RBPMS: variants seen among roughly 807,000 people sequenced by gnomAD.
RBPMS encodes the protein RNA binding protein, mRNA processing factor.
A neutral mutation model predicts 26.8 loss-of-function variants in RBPMS; 7 were observed. The ratio of observed to expected loss-of-function variants is 0.26; its 90% CI spans 0.15 to 0.49. The LOEUF (loss-of-function observed/expected upper bound fraction) is 0.49. RBPMS is among the 20% of genes least tolerant of loss of function. RBPMS has a pLI of 0.98. For missense variants in RBPMS, 186 were observed against 250.0 expected (o/e 0.74, Z 1.73); for synonymous variants, 96 against 93.3 (o/e 1.03, Z -0.17).
intron 6 of RBPMS, among the ~76,000 whole-genome samples, chr8:30,551,317 G>C (rs115874469): frequency 0.011 from 1,727 of 152,282 alleles, 39 homozygotes; most frequent in African/African-American, 0.038. Flanking sequence ...CTCCATGTTG[G>C]GCAGTTTTAG....
intron 1 of RBPMS, among the ~76,000 whole-genome samples, chr8:30,422,040 C>A (rs935067465): frequency 6.6e-6 from 1 of 151,962 alleles, no homozygotes; most frequent in South Asian, 2.1e-4. Flanking sequence ...AGAAAAAGTT[C>A]TTAAAAGCAG....
At chr8:30,386,140 T>C (rs926397824) in intron 1 of RBPMS, among the ~76,000 whole-genome samples, 5 of 150,248 alleles carry the variant, frequency 3.3e-5, no homozygotes, top group African/African-American at 1.2e-4. Flanking sequence ...CGTCTAAATA[T>C]GACCCGAAAA....
chr8:30,480,378 A>G (rs1818149450), intron 4 of RBPMS, among the ~76,000 whole-genome samples: 1 of 152,218 alleles, frequency 6.6e-6, no homozygotes, highest in Non-Finnish European at 1.5e-5. Flanking sequence ...GACCTGATAT[A>G]GGTGATGACT....
At chr8:30,472,014 A>T (rs1428052843) in intron 1 of RBPMS, among the ~76,000 whole-genome samples, 8 of 152,176 alleles carry the variant, frequency 5.3e-5, no homozygotes, top group Non-Finnish European at 1.0e-4. Flanking sequence ...GATGGGCATT[A>T]AAAAAAGCAT....
chr8:30,476,720 G>A (rs186990611), intron 2 of RBPMS, among the ~76,000 whole-genome samples: 81 of 152,262 alleles, frequency 5.3e-4, no homozygotes, highest in African/African-American at 1.9e-3. Flanking sequence ...GTGTGTAGTG[G>A]TCAATCACGT....
chr8:30,537,678 G>A (rs1019803251), intron 5 of RBPMS: 17 of 455,672 alleles, frequency 3.7e-5, no homozygotes, highest in South Asian at 1.9e-4. Context: ...TGTGAGAGTC[G>A]TTGGGCTGGA....
At chr8:30,555,300 C>T (rs1008288336) in intron 6 of RBPMS, among the ~76,000 whole-genome samples, 1 of 151,642 alleles carries the variant, frequency 6.6e-6, no homozygotes, top group Non-Finnish European at 1.5e-5. Context: ...GAATCCCAAA[C>T]AGTGTGGCCC....
intron 5 of RBPMS, among the ~76,000 whole-genome samples, chr8:30,532,473 T>C (rs1824329967): frequency 6.6e-6 from 1 of 152,264 alleles, no homozygotes; most frequent in Non-Finnish European, 1.5e-5. Context: ...ATTCAGTTTT[T>C]ATAATGAACT....
At chr8:30,496,922 C>T (rs1326699462) in intron 4 of RBPMS, among the ~76,000 whole-genome samples, 3 of 152,140 alleles carry the variant, frequency 2.0e-5, no homozygotes, top group South Asian at 2.1e-4. Context: ...GGGAAACTTT[C>T]GACTATACCT....
chr8:30,534,206 C>T (rs897230521), intron 5 of RBPMS, among the ~76,000 whole-genome samples: 2 of 152,050 alleles, frequency 1.3e-5, no homozygotes, highest in Admixed American at 1.3e-4. Context: ...GATGCCTTGT[C>T]AGGAATGTAG....
intron 4 of RBPMS, among the ~76,000 whole-genome samples, chr8:30,500,086 A>T (rs1424182403): frequency 6.6e-6 from 1 of 152,208 alleles, no homozygotes; most frequent in Non-Finnish European, 1.5e-5. Context: ...GAAATCCCTT[A>T]TTCCACCTCT....
chr8:30,458,953 A>T (rs1815567032), intron 1 of RBPMS, among the ~76,000 whole-genome samples: 1 of 148,228 alleles, frequency 6.7e-6, no homozygotes, highest in Non-Finnish European at 1.5e-5. Flanking sequence ...CACCACACCC[A>T]GCATGTTGGC....
intron 1 of RBPMS, among the ~76,000 whole-genome samples, chr8:30,444,001 A>T (rs1196013071): frequency 2.6e-5 from 4 of 151,976 alleles, no homozygotes; most frequent in Non-Finnish European, 5.9e-5. Context: ...GGTTCAAGCG[A>T]TTCTCTTGCC....
At position 30,556,703 on chromosome 8, in the gene RBPMS, G is replaced by A. The variant is rs61569119; in HGVS notation, c.529-2184G>A. On this transcript the variant is annotated intron_variant, in intron 6 of 8. Transcript: ENST00000397323. The stretch of plus-strand genomic sequence containing the variant: ...CATGGGGGCTCTGTGTCCCCGCCCC[G>A]TCCTTTCCCACCTGTCTCAGGAAGG... 2.3e-4 allele frequency: 223 copies of A among 985,906 alleles called. 1 individual carries two copies. The East Asian group carries it at 0.017, about 76-fold the overall frequency. 61.1% of individuals were successfully genotyped at this position (985,906 alleles called of 1,614,324 possible).
chr8:30,485,353 T>C (rs1340554966), intron 4 of RBPMS, among the ~76,000 whole-genome samples: 2 of 152,190 alleles, frequency 1.3e-5, no homozygotes, highest in African/African-American at 4.8e-5. Flanking sequence ...ATGTTTCTTA[T>C]CAGTTTTGAA....
rs1585581232 is a variant in RBPMS, at chr8:30,472,122, A to G, written c.67-2657A>G. ...GATTTGTACATGAATGTTCATAGCC[A>G]TTTTATTTGTAATAGCCAAAACTAG... On this transcript the variant is annotated intron_variant, in intron 1 of 8. Coordinates refer to ENST00000397323, the MANE Select transcript of RBPMS (RefSeq NM_001008710.3). 2.6e-5 allele frequency among the ~76,000 whole-genome samples: 4 copies of G among 152,354 alleles called. No individual in the cohort carries two copies. The South Asian group carries it at 6.2e-4, about 24-fold the overall frequency.
Position 30,459,219 on chromosome 8 carries a change from C to G in RBPMS, c.67-15560C>G, listed in dbSNP as rs547168842. Among the ~76,000 whole-genome samples, 54 of 152,202 alleles carry G rather than the reference C, an allele frequency of 3.5e-4. No individual in the cohort carries two copies. The South Asian group carries it at 6.6e-3, about 19-fold the overall frequency. ...TCAAGTGATCCTCCCATCTTGGCCT[C>G]CCAAAGTGCTTGGATTACAGGCATG... On this transcript the variant is annotated intron_variant, in intron 1 of 8. Transcript: ENST00000397323.
intron 4 of RBPMS, among the ~76,000 whole-genome samples, chr8:30,485,068 C>T (rs1818645479): frequency 6.6e-6 from 1 of 152,046 alleles, no homozygotes; most frequent in Admixed American, 6.6e-5. Context: ...TTTTCTTGGC[C>T]AGAAGTACTG....
At chr8:30,522,767 T>A (rs1479751505) in intron 5 of RBPMS, among the ~76,000 whole-genome samples, 1 of 152,208 alleles carries the variant, frequency 6.6e-6, no homozygotes, top group Admixed American at 6.5e-5. Context: ...AGGTGATTTT[T>A]AAAAAATAAA....
Sources: gnomAD v4.1 joint callset for allele counts (sites outside exome capture counted in the v4.1 genomes callset) on GRCh38, gnomAD v4.1.1 for gene constraint, MANE v1.5 for transcripts, NCBI Gene and HGNC (gene_info 2026-07-23, HGNC 2026-07-21) for gene names.